DCAF12: variants seen among roughly 807,000 people sequenced by gnomAD.
The protein encoded by DCAF12 is DDB1- and CUL4-associated factor 12.
DCAF12 carries 28 observed loss-of-function variants against 52.8 expected under a neutral mutation model. The observed-to-expected ratio is 0.53, with a 90% CI of 0.39 to 0.73. DCAF12 has a LOEUF of 0.73. DCAF12 is among the 30% of genes least tolerant of loss of function. The pLI, the probability that DCAF12 is intolerant of heterozygous loss-of-function variation, is 0.00. For missense variants in DCAF12, 425 were observed against 552.2 expected (o/e 0.77, Z 2.31); for synonymous variants, 196 against 215.5 (o/e 0.91, Z 0.79).
chr9:34,096,707 T>C lies in DCAF12; in HGVS notation c.861+9A>G, dbSNP rs769717651. On this transcript the variant is annotated intron_variant, in intron 6 of 8. Coordinates refer to ENST00000361264, the MANE Select transcript of DCAF12 (RefSeq NM_015397.4). The stretch of plus-strand genomic sequence containing the variant: ...ATTAGGTAAAACCACAAAATCATGT[T>C]CATCACACCTTAGATAGTGTATTTT... 6.2e-7 allele frequency: 1 copy of C among 1,612,698 alleles called. No homozygotes were observed.
chr9:34,096,849 G>A (rs116885684), intron 5 of DCAF12, 68 bp from the exon 6 acceptor site: 20,719 of 1,469,696 alleles, frequency 0.014, 221 homozygotes, highest in Middle Eastern at 0.017. Context: ...ATAAGCAGGC[G>A]AGGATTCTAA....
chr9:34,098,307 C>T lies in DCAF12; in HGVS notation c.795+17G>A. The T allele has an allele frequency of 6.2e-7, 1 of 1,609,616 alleles. No homozygotes were observed. Among genetic ancestry groups the T allele is most frequent in the Non-Finnish European group, 8.5e-7 (1 of 1,177,488 alleles). ...GCAAGAGGAATACACGTCAGGGATC[C>T]CTACACAAGTTCATACCTTGTTCTT... On this transcript the variant is annotated intron_variant, in intron 5 of 8. Transcript: ENST00000361264.
intron 2 of DCAF12, among the ~76,000 whole-genome samples, chr9:34,120,038 C>G (rs1043933579): frequency 1.3e-5 from 2 of 151,126 alleles, no homozygotes; most frequent in African/African-American, 2.4e-5. Flanking sequence ...CCTGTCTCTA[C>G]TAAAAAACAA....
chr9:34,125,823 G>A, intron 1 of DCAF12: 1 of 297,076 alleles, frequency 3.4e-6, no homozygotes, highest in Non-Finnish European at 6.9e-6. Context: ...GGAAATCAGA[G>A]GCCATATCTA....
At position 34,088,109 on chromosome 9, in the gene DCAF12, T is replaced by A; in HGVS notation, c.*241A>T. 1 of 344,340 alleles carries A rather than the reference T, an allele frequency of 2.9e-6. No individual in the cohort carries two copies. The highest frequency in any genetic ancestry group is 5.2e-6 in the Non-Finnish European group (1 of 193,364). 21.3% of individuals were successfully genotyped at this position (344,340 alleles called of 1,614,324 possible). On this transcript the variant is annotated 3_prime_UTR_variant, in exon 9 of 9. Coordinates refer to ENST00000361264, the MANE Select transcript of DCAF12 (RefSeq NM_015397.4). ...ATAGGGATTAGCAACAATGTTTGGT[T>A]GAAAAGCCAGAAATAATAAAAGATA...
chr9:34,126,317 A>G (rs2131446420), intron 1 of DCAF12, 37 bp downstream of exon 1: 1 of 1,608,850 alleles, frequency 6.2e-7, no homozygotes. Flanking sequence ...TTGGTTCCTC[A>G]GCCTCACCAC....
chr9:34,092,537 T>G (rs776981175), intron 7 of DCAF12, among the ~76,000 whole-genome samples: 30 of 151,998 alleles, frequency 2.0e-4, no homozygotes, highest in Admixed American at 1.6e-3. Flanking sequence ...AATACAAAAA[T>G]TAGCTGGGCG....
chr9:34,117,535 T>C (rs1242462206), intron 2 of DCAF12, among the ~76,000 whole-genome samples: 3 of 152,162 alleles, frequency 2.0e-5, no homozygotes, highest in Non-Finnish European at 2.9e-5. Flanking sequence ...TTTTACCTAG[T>C]ACCCACCAAA....
At chr9:34,105,602 TG>T (rs1037050313) in intron 4 of DCAF12, among the ~76,000 whole-genome samples, 1 of 152,132 alleles carries the variant, frequency 6.6e-6, no homozygotes, top group Non-Finnish European at 1.5e-5. Flanking sequence ...GCTAGGATCA[TG>T]CCACTGCACT....
chr9:34,108,793 C>CAAAAAAAAAA (rs1234542589), intron 2 of DCAF12, among the ~76,000 whole-genome samples: 1 of 81,296 alleles, frequency 1.2e-5, no homozygotes, highest in Non-Finnish European at 2.7e-5. Context: ...GACTTGGTCT[C>CAAAAAAAAAA]AAAAAAAATA....
chr9:34,097,536 G>T (rs941345693), intron 5 of DCAF12, among the ~76,000 whole-genome samples: 1 of 151,922 alleles, frequency 6.6e-6, no homozygotes, highest in Non-Finnish European at 1.5e-5. Context: ...GATTACAGGC[G>T]TGAGTCACTG....
Position 34,096,717 on chromosome 9 carries a change from TTAGA to T in DCAF12, c.856_859del (p.Lys287SerfsTer59). ...ACCACAAAATCATGTTCATCACACC[TTAGA>T]TAGTGTATTTTCAGCCTTCCAGAGA... On this transcript the variant is annotated frameshift_variant and splice_region_variant, in exon 6 of 9. Transcript: ENST00000361264. LOFTEE classifies it high-confidence loss of function. The T allele has an allele frequency of 6.2e-6, 10 of 1,613,672 alleles. No individual in the cohort carries two copies. Among genetic ancestry groups the T allele is most frequent in the Non-Finnish European group, 7.6e-6 (9 of 1,179,642 alleles).
At chr9:34,115,108 T>C (rs1018489674) in intron 2 of DCAF12, among the ~76,000 whole-genome samples, 1 of 152,098 alleles carries the variant, frequency 6.6e-6, no homozygotes, top group East Asian at 1.9e-4. Context: ...AGACACACTA[T>C]GTTGCAGTCA....
At chr9:34,111,438 G>A (rs1009412019) in intron 2 of DCAF12, among the ~76,000 whole-genome samples, 11 of 152,100 alleles carry the variant, frequency 7.2e-5, no homozygotes, top group South Asian at 2.1e-4. Context: ...AGACCATATC[G>A]CACTGATTTA....
intron 2 of DCAF12, among the ~76,000 whole-genome samples, chr9:34,119,670 T>G (rs1437478050): frequency 6.6e-6 from 1 of 151,678 alleles, no homozygotes; most frequent in Non-Finnish European, 1.5e-5. Flanking sequence ...ATTTTTAGGC[T>G]CTTCTTTCAA....
At chr9:34,097,639 G>C (rs1470683452) in intron 5 of DCAF12, among the ~76,000 whole-genome samples, 1 of 151,754 alleles carries the variant, frequency 6.6e-6, no homozygotes, top group Admixed American at 6.6e-5. Flanking sequence ...AAAGTAGGCA[G>C]TAAAGAATAC....
intron 6 of DCAF12, 47 bp downstream of exon 6, chr9:34,096,669 T>C: frequency 1.3e-6 from 2 of 1,502,272 alleles, no homozygotes; most frequent in Non-Finnish European, 9.2e-7. Context: ...GTATTTTAAC[T>C]GTAAGGTGAA....
chr9:34,100,362 CTAATTTTTTG>C (rs1828808701), intron 4 of DCAF12, among the ~76,000 whole-genome samples: 1 of 151,540 alleles, frequency 6.6e-6, no homozygotes, highest in Admixed American at 6.6e-5. Flanking sequence ...CCACGCCTGG[CTAATTTTTTG>C]TATTTTTAGT....
rs545865370 is a variant in DCAF12, at chr9:34,101,657, G to A, written c.602-3140C>T. ...TCCACCCTCCTCAGCCTCCCAAAGT[G>A]CAAGGATTACAGGCATGAGCCACTG... On this transcript the variant is annotated intron_variant, in intron 4 of 8. Coordinates refer to ENST00000361264, the MANE Select transcript of DCAF12 (RefSeq NM_015397.4). Among the ~76,000 whole-genome samples, 10 of 145,860 alleles carry A rather than the reference G, an allele frequency of 6.9e-5. No homozygotes were observed. In the South Asian group the frequency reaches 2.2e-3, roughly 33 times the overall value.
Sources: gnomAD v4.1 joint callset for allele counts (sites outside exome capture counted in the v4.1 genomes callset) on GRCh38, gnomAD v4.1.1 for gene constraint, MANE v1.5 for transcripts, NCBI Gene and HGNC (gene_info 2026-07-23, HGNC 2026-07-21) for gene names.